Variants in FPR3 observed in about 807,000 individuals in gnomAD.
The protein encoded by FPR3 is N-formyl peptide receptor 3.
For missense variants in FPR3, 346 were observed against 443.2 expected (o/e 0.78, Z 1.97); for synonymous variants, 135 against 163.6 (o/e 0.83, Z 1.34).
At chr19:51,812,170 C>G (rs1320820870) in intron 1 of FPR3, among the ~76,000 whole-genome samples, 1 of 152,150 alleles carries the variant, frequency 6.6e-6, no homozygotes, top group African/African-American at 2.4e-5. Flanking sequence ...ATTGTTTGCA[C>G]TTAGAGATTG....
rs8109098 is a variant in FPR3, at chr19:51,825,363, T to C, written c.*553T>C. ...TTCACGTCTCATGAAGCTCTCCAAA[T>C]CCAGTCCTCTTGGGTTTTTATGGAA... On this transcript the variant is annotated 3_prime_UTR_variant, in exon 2 of 2. Coordinates refer to ENST00000339223, the MANE Select transcript of FPR3 (RefSeq NM_002030.5). The C allele has an allele frequency of 0.4, 67,220 of 167,294 alleles. 13,625 individuals carry two copies. The highest frequency in any genetic ancestry group is 0.53 in the South Asian group (2,585 of 4,832). 10.4% of individuals were successfully genotyped at this position (167,294 alleles called of 1,614,324 possible). A position where few individuals can be genotyped will look rare whatever the true frequency, so the allele number is the denominator to read the frequency against.
At chr19:51,808,650 G>A (rs995864545) in intron 1 of FPR3, among the ~76,000 whole-genome samples, 1 of 152,160 alleles carries the variant, frequency 6.6e-6, no homozygotes. Context: ...CTCGTGTAAG[G>A]GTGTAGTAAA....
At chr19:51,799,593 A>G (rs976223263) in intron 1 of FPR3, among the ~76,000 whole-genome samples, 3 of 152,142 alleles carry the variant, frequency 2.0e-5, no homozygotes, top group African/African-American at 7.2e-5. Context: ...CTGGTGCTCC[A>G]TTTTGCTGCT....
intron 1 of FPR3, among the ~76,000 whole-genome samples, chr19:51,805,425 A>AT (rs1335367766): frequency 1.3e-5 from 2 of 152,196 alleles, no homozygotes; most frequent in African/African-American, 4.8e-5. Context: ...TAAATCAAGA[A>AT]TTTTGTTTTG....
chr19:51,812,857 A>G (rs2084107058), intron 1 of FPR3, among the ~76,000 whole-genome samples: 1 of 152,202 alleles, frequency 6.6e-6, no homozygotes, highest in Non-Finnish European at 1.5e-5. Flanking sequence ...GTGGGGGCTC[A>G]TGCCTGTAAT....
intron 1 of FPR3, among the ~76,000 whole-genome samples, chr19:51,815,813 G>A (rs967107809): frequency 6.7e-6 from 1 of 149,444 alleles, no homozygotes; most frequent in Admixed American, 6.7e-5. Context: ...AGTGAGCAGC[G>A]ATCATGCCAC....
At chr19:51,822,407 T>C (rs1272575546) in intron 1 of FPR3, among the ~76,000 whole-genome samples, 1 of 152,204 alleles carries the variant, frequency 6.6e-6, no homozygotes, top group African/African-American at 2.4e-5. Context: ...GCGATTTGAT[T>C]TGCAGAGAAG....
rs764805147 is a variant in FPR3 at position 51,824,461 on chromosome 19, G to A, written c.713G>A (p.Arg238His). Residue 238 changes from arginine (R) to histidine (H), a missense_variant, in exon 2 of 2, where the codon CGT becomes CAT. Transcript: ENST00000339223. The surrounding 1 kb of genome is among the most constrained non-coding windows in gnomAD (Gnocchi z 4.7). ...IHRNHMIKSS[R>H]PLRVFAAVVA... ...AGAAACCACATGATTAAATCCAGCC[G>A]TCCCTTACGTGTCTTCGCTGCTGTG... The A allele has an allele frequency of 1.9e-5, 31 of 1,613,944 alleles. No individual in the cohort carries two copies. Among genetic ancestry groups the A allele is most frequent in the South Asian group, 3.3e-5 (3 of 91,082 alleles).
chr19:51,811,629 C>G (rs1354457023), intron 1 of FPR3: 6 of 152,176 alleles, frequency 3.9e-5, no homozygotes, highest in African/African-American at 1.4e-4. Flanking sequence ...CTGATTCTGT[C>G]GCTGTTCGGG....
At chr19:51,810,856 T>C (rs187153669) in intron 1 of FPR3, among the ~76,000 whole-genome samples, 2 of 152,302 alleles carry the variant, frequency 1.3e-5, no homozygotes, top group Admixed American at 1.3e-4. Flanking sequence ...TGTGGATTGT[T>C]GGGATCAGGC....
chr19:51,810,592 G>A (rs1011394918), intron 1 of FPR3, among the ~76,000 whole-genome samples: 9 of 152,232 alleles, frequency 5.9e-5, no homozygotes, highest in East Asian at 3.9e-4. Context: ...TAATGTCTCC[G>A]TGTCCAGCAA....
intron 1 of FPR3, among the ~76,000 whole-genome samples, chr19:51,810,684 T>A (rs888690371): frequency 1.3e-5 from 2 of 152,188 alleles, no homozygotes; most frequent in African/African-American, 4.8e-5. Flanking sequence ...GACAAGCAAG[T>A]TCGCATCAAG....
chr19:51,802,234 C>A (rs2084030015), intron 1 of FPR3, among the ~76,000 whole-genome samples: 2 of 151,960 alleles, frequency 1.3e-5, no homozygotes, highest in African/African-American at 4.8e-5. Flanking sequence ...AAATGCCTTA[C>A]GATGGATGAC....
At position 51,797,877 on chromosome 19, in the gene FPR3, CTTTTTTTTTTTT is replaced by C. The variant is rs753127261; in HGVS notation, c.-11+2558_-11+2569del. 1.7e-3 allele frequency among the ~76,000 whole-genome samples: 123 copies of C among 71,516 alleles called. 4 individuals carry two copies. Among genetic ancestry groups the C allele is most frequent in the Middle Eastern group, 0.038 (2 of 52 alleles). The allele number at this position is 71,516 out of a possible 152,430, so 46.9% of individuals were successfully genotyped here. On this transcript the variant is annotated intron_variant, in intron 1 of 1. Transcript: ENST00000339223. ...ATCCTAGATGATTTCCATGTCTATT[CTTTTTTTTTTTT>C]TTTTTTTTTTTGAGACGGAGTCTCG...
Position 51,823,761 on chromosome 19 carries a change from T to A in FPR3, c.13T>A (p.Phe5Ile). METN[F>I]SIPLNETEEV... ...CAGGTGTGGGAAGATGGAAACCAAC[T>A]TCTCCATTCCTCTGAATGAAACTGA... is the stretch of plus-strand genomic sequence containing the variant. The change falls in exon 2 of 2, where the codon TTC (phenylalanine) becomes ATC (isoleucine). Residue 5 changes from phenylalanine to isoleucine, a missense_variant. Physicochemically the swap from Phe to Ile is conservative, Grantham distance 21. Transcript: ENST00000339223. 1 of 1,585,708 alleles carries A rather than the reference T, an allele frequency of 6.3e-7. No individual in the cohort carries two copies. The highest frequency in any genetic ancestry group is 8.6e-7 in the Non-Finnish European group (1 of 1,165,450).
intron 1 of FPR3, among the ~76,000 whole-genome samples, chr19:51,821,336 G>A (rs558729404): frequency 6.6e-6 from 1 of 152,260 alleles, no homozygotes; most frequent in Admixed American, 6.5e-5. Flanking sequence ...ACTGGGGGGA[G>A]TTTTGCCTCC....
chr19:51,816,136 C>T (rs2084135297), intron 1 of FPR3, among the ~76,000 whole-genome samples: 1 of 152,002 alleles, frequency 6.6e-6, no homozygotes, highest in South Asian at 2.1e-4. Flanking sequence ...AAAGAGGTGC[C>T]GGAAGGCTGA....
In FPR3 at chr19:51,825,523, G is replaced by T. The variant is rs2084226596; in HGVS notation, c.*713G>T. The T allele has an allele frequency of 6.0e-6, 1 of 167,038 alleles. No individual in the cohort carries two copies. The highest frequency in any genetic ancestry group is 2.4e-5 in the African/African-American group (1 of 41,436). The allele number at this position is 167,038 out of a possible 1,614,324, so 10.3% of individuals were successfully genotyped here. ...GGGGTAGATGAAAGGAAAGGAGAGA[G>T]ATTCTGTTTCCTGAGGCTTAATACA... On this transcript the variant is annotated 3_prime_UTR_variant, in exon 2 of 2. Transcript: ENST00000339223.
intron 1 of FPR3, among the ~76,000 whole-genome samples, chr19:51,813,474 G>A (rs1185660130): frequency 6.6e-6 from 1 of 152,022 alleles, no homozygotes; most frequent in Non-Finnish European, 1.5e-5. Flanking sequence ...TTTCAGTGGT[G>A]AAAGATAAGG....
Sources: gnomAD v4.1 joint callset for allele counts (sites outside exome capture counted in the v4.1 genomes callset) on GRCh38, gnomAD v4.1.1 for gene constraint, Gnocchi (gnomAD v3.1) non-coding constraint, MANE v1.5 for transcripts, NCBI Gene and HGNC (gene_info 2026-07-23, HGNC 2026-07-21) for gene names.